GALK2: variants seen among roughly 807,000 people sequenced by gnomAD.
GALK2 encodes galactokinase 2.
GALK2 carries 36 observed loss-of-function variants against 52.4 expected under a neutral mutation model. That is an observed-to-expected ratio of 0.69 (90% CI 0.53 to 0.91). The LOEUF (loss-of-function observed/expected upper bound fraction) is 0.91. Ranked by LOEUF, GALK2 falls within the 40% of genes least tolerant of loss-of-function variation. The pLI, the probability that GALK2 is intolerant of heterozygous loss-of-function variation, is 0.00. For missense variants in GALK2, 579 were observed against 559.1 expected (o/e 1.04, Z -0.36); for synonymous variants, 176 against 199.1 (o/e 0.88, Z 0.98).
chr15:49,231,480 G>C lies in GALK2; in HGVS notation c.267-4371G>C, dbSNP rs1255181237. ...GTCCCTGGCCCCTCCCAAGTCTCAG[G>C]TACTCACATTCCAAAATTCAGTCAT... On this transcript the variant is annotated intron_variant, in intron 3 of 9. Transcript: ENST00000560031. Among the ~76,000 whole-genome samples, 3 of 152,198 alleles carry C rather than the reference G, an allele frequency of 2.0e-5. No individual in the cohort carries two copies. The East Asian group carries it at 5.8e-4, about 29-fold the overall frequency.
At chr15:49,362,222 T>C (rs1031771267) in intron 3 of GALK2, among the ~76,000 whole-genome samples, 5 of 152,144 alleles carry the variant, frequency 3.3e-5, no homozygotes, top group Non-Finnish European at 5.9e-5. Flanking sequence ...GATTGGATCA[T>C]GGGAGTGGAT....
At chr15:49,362,645 TTTTG>T (rs776234077) in intron 3 of GALK2, among the ~76,000 whole-genome samples, 2 of 152,202 alleles carry the variant, frequency 1.3e-5, no homozygotes, top group African/African-American at 4.8e-5. Context: ...ATCTGTCAAT[TTTTG>T]TTTTTCTTGC....
chr15:49,365,404 A>G (rs2044970132), intron 3 of GALK2: 2 of 1,089,874 alleles, frequency 1.8e-6, no homozygotes, highest in South Asian at 1.3e-5. Context: ...CAGTCTAAAC[A>G]TCAACTCTTC....
intron 1 of GALK2, among the ~76,000 whole-genome samples, chr15:49,194,841 T>A (rs1311110636): frequency 6.6e-6 from 1 of 152,088 alleles, no homozygotes; most frequent in East Asian, 1.9e-4. Flanking sequence ...GTGATCCGCC[T>A]GCCTTGGCTT....
chr15:49,280,856 G>A (rs944569917), intron 5 of GALK2, among the ~76,000 whole-genome samples: 1 of 150,856 alleles, frequency 6.6e-6, no homozygotes, highest in South Asian at 2.1e-4. Context: ...ATTTTTTTTT[G>A]AGAAGGGGTC....
At chr15:49,307,155 A>T (rs2035609161) in intron 8 of GALK2, among the ~76,000 whole-genome samples, 1 of 152,180 alleles carries the variant, frequency 6.6e-6, no homozygotes, top group Non-Finnish European at 1.5e-5. Flanking sequence ...TGGGGATTGC[A>T]GAATCGGACT....
intron 8 of GALK2, among the ~76,000 whole-genome samples, chr15:49,315,592 T>C (rs2036338828): frequency 6.6e-6 from 1 of 152,236 alleles, no homozygotes; most frequent in African/African-American, 2.4e-5. Context: ...AAATCTGTTG[T>C]AGCTTTTGGC....
intron 7 of GALK2, among the ~76,000 whole-genome samples, chr15:49,286,590 G>A (rs1202276800): frequency 1.3e-5 from 2 of 152,114 alleles, no homozygotes; most frequent in East Asian, 3.8e-4. Flanking sequence ...TAAATGTTTT[G>A]AATTTTTAAT....
chr15:49,286,358 C>G (rs1487570939), intron 7 of GALK2, among the ~76,000 whole-genome samples: 1 of 152,162 alleles, frequency 6.6e-6, no homozygotes, highest in East Asian at 1.9e-4. Flanking sequence ...CACAATTTCA[C>G]AGTTTTTTAC....
At chr15:49,334,371 C>T (rs1306829324), downstream of GALK2, 9 of 314,228 alleles carry the variant, frequency 2.9e-5, no homozygotes, top group African/African-American at 4.5e-5. Flanking sequence ...CAACAATTTA[C>T]TGATATACAC....
At chr15:49,245,098 A>T (rs950508564) in intron 5 of GALK2, among the ~76,000 whole-genome samples, 1 of 152,200 alleles carries the variant, frequency 6.6e-6, no homozygotes, top group Non-Finnish European at 1.5e-5. Flanking sequence ...ACAAATATGA[A>T]TTTAAGCAAA....
chr15:49,194,643 T>A (rs547032169), intron 1 of GALK2, among the ~76,000 whole-genome samples: 92 of 151,598 alleles, frequency 6.1e-4, no homozygotes, highest in Admixed American at 3.4e-3. Flanking sequence ...TTGCCTGGGC[T>A]GGAGTGCAAT....
chr15:49,330,939 T>A lies in GALK2; in HGVS notation c.*2780T>A, dbSNP rs2038599883. On this transcript the variant is annotated 3_prime_UTR_variant, in exon 10 of 10. Coordinates refer to ENST00000560031, the MANE Select transcript of GALK2 (RefSeq NM_002044.4). ...ACTGCACTCCAGCCTGGGAGACAGGTGACAGAGTGAGACCCTGTTTCAACA... is the reference window on the plus strand; with the variant it reads ...ACTGCACTCCAGCCTGGGAGACAGGAGACAGAGTGAGACCCTGTTTCAACA... 1 of 152,216 alleles carries A rather than the reference T, an allele frequency of 6.6e-6. No homozygotes were observed. The highest frequency in any genetic ancestry group is 1.5e-5 in the Non-Finnish European group (1 of 68,138). 9.4% of individuals were successfully genotyped at this position (152,216 alleles called of 1,614,324 possible). A position where few individuals can be genotyped will look rare whatever the true frequency, so the allele number is the denominator to read the frequency against.
chr15:49,238,212 G>A (rs572798192), intron 4 of GALK2, among the ~76,000 whole-genome samples: 18 of 152,242 alleles, frequency 1.2e-4, no homozygotes, highest in African/African-American at 3.9e-4. Flanking sequence ...CAAAGACTAT[G>A]GTACTTTTTC....
Position 49,299,784 on chromosome 15 carries a change from T to TTTCTTTCC in GALK2, c.967+7254_967+7255insCTTCTTTC, listed in dbSNP as rs1567037757. Among the ~76,000 whole-genome samples, 36 of 140,270 alleles carry TTTCTTTCC rather than the reference T, an allele frequency of 2.6e-4. 2 individuals are homozygous for TTTCTTTCC. Among genetic ancestry groups the TTTCTTTCC allele is most frequent in the East Asian group, 1.2e-3 (6 of 4,832 alleles). 92.0% of individuals were successfully genotyped at this position (140,270 alleles called of 152,430 possible). On this transcript the variant is annotated intron_variant, in intron 8 of 9. Transcript: ENST00000560031. ...CTTTCTTTCTTTCTTTCTTTCTTTCTTTCTTTCTTTCGTGCTGTAGTCTGA... is the reference window on the plus strand; with the variant it reads ...CTTTCTTTCTTTCTTTCTTTCTTTCTTTCTTTCCTTCTTTCTTTCGTGCTGTAGTCTGA...
At chr15:49,318,721 T>C (rs908517627) in intron 8 of GALK2, among the ~76,000 whole-genome samples, 2 of 152,124 alleles carry the variant, frequency 1.3e-5, no homozygotes, top group Admixed American at 1.3e-4. Flanking sequence ...ATTTAAAAAA[T>C]TGCCACCATA....
intron 1 of GALK2, among the ~76,000 whole-genome samples, chr15:49,160,860 G>A (rs1253841449): frequency 2.0e-5 from 3 of 150,582 alleles, no homozygotes; most frequent in African/African-American, 7.3e-5. Flanking sequence ...GTGATAGAGC[G>A]AGACTCCATC....
chr15:49,194,468 C>T (rs1033176166), intron 1 of GALK2, among the ~76,000 whole-genome samples: 17 of 152,134 alleles, frequency 1.1e-4, no homozygotes, highest in Admixed American at 9.2e-4. Flanking sequence ...TCACTGTTTT[C>T]ATTACGGAGG....
Position 49,331,507 on chromosome 15 carries a change from T to C in GALK2, c.*3348T>C. The C allele has an allele frequency of 2.6e-6, 1 of 383,692 alleles. No individual in the cohort carries two copies. Among genetic ancestry groups the C allele is most frequent in the Non-Finnish European group, 4.7e-6 (1 of 213,288 alleles). 23.8% of individuals were successfully genotyped at this position (383,692 alleles called of 1,614,324 possible). ...TACAATTTTAAACATCAGTGATTAT[T>C]AGTTTGTAATTCTAACTGCATTTGG... On this transcript the variant is annotated 3_prime_UTR_variant, in exon 10 of 10. Transcript: ENST00000560031.
Sources: gnomAD v4.1 joint callset for allele counts (sites outside exome capture counted in the v4.1 genomes callset) on GRCh38, gnomAD v4.1.1 for gene constraint, MANE v1.5 for transcripts, NCBI Gene and HGNC (gene_info 2026-07-23, HGNC 2026-07-21) for gene names.